The following ZFTRAF1 variants were observed in gnomAD, a reference collection of about 807,000 sequenced individuals.
The protein encoded by ZFTRAF1 is zinc finger TRAF-type and ring finger containing 1.
the ZFTRAF1 span, chr8:144,450,349 TG>T: frequency 1.4e-6 from 1 of 704,472 alleles, no homozygotes; most frequent in Non-Finnish European, 2.7e-6. Flanking sequence ...ATGCCGCCCG[TG>T]GGCTCCTCGG....
chr8:144,451,948 G>A, the ZFTRAF1 span: 4 of 281,624 alleles, frequency 1.4e-5, no homozygotes, highest in South Asian at 1.1e-4. Flanking sequence ...GACCTCACTC[G>A]GCAGGGTGCT....
the ZFTRAF1 span, chr8:144,462,409 C>G: frequency 5.3e-6 from 2 of 379,548 alleles, no homozygotes; most frequent in Non-Finnish European, 9.2e-6. Context: ...CCTCGGCTGC[C>G]CGCAGCCGCT....
the ZFTRAF1 span, chr8:144,462,255 C>T: frequency 1.9e-6 from 1 of 536,462 alleles, no homozygotes; most frequent in Non-Finnish European, 3.3e-6. Flanking sequence ...CCGGGCTGGG[C>T]CGGGTCGGGG....
the ZFTRAF1 span, among the ~76,000 whole-genome samples, chr8:144,452,739 G>A: frequency 1.3e-5 from 2 of 152,212 alleles, no homozygotes; most frequent in Admixed American, 6.5e-5. Flanking sequence ...TGGAGAGAAA[G>A]GAGACAGGCA....
the ZFTRAF1 span, among the ~76,000 whole-genome samples, chr8:144,459,195 C>T: frequency 1.3e-5 from 2 of 152,236 alleles, no homozygotes; most frequent in Non-Finnish European, 1.5e-5. Flanking sequence ...GCAGAGGTGC[C>T]AACAGGCCAC....
At chr8:144,459,507 A>G in the ZFTRAF1 span, among the ~76,000 whole-genome samples, 20 of 152,366 alleles carry the variant, frequency 1.3e-4, no homozygotes, top group East Asian at 1.3e-3. Flanking sequence ...CTGACACCCA[A>G]GCAGGTTTCC....
chr8:144,450,432 G>A, the ZFTRAF1 span: 72 of 717,882 alleles, frequency 1.0e-4, no homozygotes, highest in African/African-American at 1.1e-3. Context: ...TTGGCAGCCA[G>A]CAGCTTGTTG....
the ZFTRAF1 span, chr8:144,454,147 G>C: frequency 6.6e-6 from 1 of 152,448 alleles, no homozygotes; most frequent in Admixed American, 6.5e-5. Flanking sequence ...GGGGTAACCG[G>C]GGCTGGCAGG....
chr8:144,452,202 G>C, the ZFTRAF1 span: 6 of 848,124 alleles, frequency 7.1e-6, no homozygotes, highest in East Asian at 8.0e-5. Context: ...CTGTCTTCTC[G>C]ACCGAGGTGT....
the ZFTRAF1 span, chr8:144,451,009 G>A: frequency 1.9e-6 from 1 of 529,036 alleles, no homozygotes; most frequent in Non-Finnish European, 3.4e-6. Context: ...AGAGTCCAGA[G>A]GCTGCACGTG....
chr8:144,454,321 G>C, the ZFTRAF1 span: 1 of 152,336 alleles, frequency 6.6e-6, no homozygotes, highest in Non-Finnish European at 1.5e-5. Context: ...TCACAGCATG[G>C]GAGGTGGGAA....
the ZFTRAF1 span, among the ~76,000 whole-genome samples, chr8:144,459,556 G>A: frequency 1.3e-5 from 2 of 152,222 alleles, no homozygotes; most frequent in African/African-American, 4.8e-5. Flanking sequence ...CAGGCCCATG[G>A]GTCAGCTGGC....
the ZFTRAF1 span, among the ~76,000 whole-genome samples, chr8:144,461,719 T>G: frequency 6.6e-6 from 1 of 152,180 alleles, no homozygotes; most frequent in Non-Finnish European, 1.5e-5. Flanking sequence ...CTCTCCTTAC[T>G]GTTCTTCAGG....
chr8:144,453,119 CAG>C, the ZFTRAF1 span: 1 of 1,052,828 alleles, frequency 9.5e-7, no homozygotes, highest in Non-Finnish European at 1.4e-6. Context: ...GCCCAGACAG[CAG>C]AGACAGCCAG....
the ZFTRAF1 span, chr8:144,457,441 TCAC>T: frequency 1.3e-5 from 2 of 152,128 alleles, no homozygotes; most frequent in African/African-American, 4.8e-5. Flanking sequence ...ACAGGAAATA[TCAC>T]CACCTTGGGC....
chr8:144,462,165 G>A, the ZFTRAF1 span: 2 of 370,684 alleles, frequency 5.4e-6, no homozygotes, highest in East Asian at 8.6e-5. Context: ...GGGCCAGAGA[G>A]GGTTCCCGGC....
the ZFTRAF1 span, chr8:144,450,792 G>A: frequency 1.5e-6 from 1 of 679,068 alleles, no homozygotes; most frequent in South Asian, 1.6e-5. Context: ...GACAGGGCCG[G>A]AAAGAGCCGG....
chr8:144,462,731 G>C, the ZFTRAF1 span: 1 of 143,350 alleles, frequency 7.0e-6, no homozygotes, highest in East Asian at 2.1e-4. Context: ...CGCTCCCGCC[G>C]CTCTCCTGCC....
chr8:144,450,403 G>A, the ZFTRAF1 span: 21 of 716,730 alleles, frequency 2.9e-5, no homozygotes, highest in Admixed American at 8.0e-5. Context: ...GGAACAGGAA[G>A]AGCCGCAGGT....
Sources: gnomAD v4.1 joint callset for allele counts (sites outside exome capture counted in the v4.1 genomes callset) on GRCh38, gnomAD v4.1.1 for gene constraint, MANE v1.5 for transcripts, NCBI Gene and HGNC (gene_info 2026-07-23, HGNC 2026-07-21) for gene names.